The following TMPRSS11F variants were observed in gnomAD, a reference collection of about 807,000 sequenced individuals.
TMPRSS11F encodes transmembrane serine protease 11F, also known as transmembrane protease serine 11F.
In TMPRSS11F, 47 loss-of-function variants were observed where a neutral mutation model predicts 60.2. The ratio of observed to expected loss-of-function variants is 0.78; its 90% confidence interval spans 0.62 to 1.00. The LOEUF is 1.00. Ranked by LOEUF, TMPRSS11F falls within the 50% of genes least tolerant of loss-of-function variation. The probability of loss-of-function intolerance (pLI) is 0.00; values close to 1 mark genes in which losing one functional copy is unlikely to be tolerated. For synonymous variants in TMPRSS11F, 166 were observed against 167.3 expected, an observed-to-expected ratio of 0.99 and a Z score of 0.06; for missense variants, 519 against 522.9, an observed-to-expected ratio of 0.99 and a Z score of 0.07.
intron 1 of TMPRSS11F, among the ~76,000 whole-genome samples, chr4:68,101,679 C>A (rs1724192895): frequency 6.6e-6 from 1 of 152,024 alleles, no homozygotes; most frequent in African/African-American, 2.4e-5. Context: ...TAAATGGAAC[C>A]TTTCAACAGC....
At chr4:68,072,542 A>T (rs1723503217) in intron 4 of TMPRSS11F, 56 bp from the exon 5 acceptor site, 13 of 1,307,594 alleles carry the variant, frequency 9.9e-6, no homozygotes, top group Admixed American at 2.6e-5. Context: ...AATGACTTTA[A>T]CTTATTAGGA....
chr4:68,054,636 C>T (rs1053173712), intron 9 of TMPRSS11F, among the ~76,000 whole-genome samples: 9 of 152,134 alleles, frequency 5.9e-5, no homozygotes, highest in African/African-American at 7.2e-5. Context: ...GCTGAAATGC[C>T]GGTTTCAGGT....
At chr4:68,066,116 CAAAAAAAAAAA>C (rs10638436) in intron 7 of TMPRSS11F, among the ~76,000 whole-genome samples, 1 of 111,590 alleles carries the variant, frequency 9.0e-6, no homozygotes, top group Non-Finnish European at 1.7e-5. Flanking sequence ...AAGACTGTCT[CAAAAAAAAAAA>C]AAAAAAGAGC....
chr4:68,056,216 A>G (rs1338553044), intron 9 of TMPRSS11F, among the ~76,000 whole-genome samples: 1 of 152,316 alleles, frequency 6.6e-6, no homozygotes, highest in Admixed American at 6.5e-5. Context: ...ACATTCTAAT[A>G]GAAAAGGAAG....
intron 3 of TMPRSS11F, among the ~76,000 whole-genome samples, chr4:68,084,727 T>A (rs886265480): frequency 7.1e-6 from 1 of 141,770 alleles, no homozygotes; most frequent in Admixed American, 6.9e-5. Context: ...TTTATTTATT[T>A]TTTTATGTTC....
intron 2 of TMPRSS11F, among the ~76,000 whole-genome samples, chr4:68,091,947 C>T (rs760766342): frequency 1.1e-4 from 16 of 151,744 alleles, no homozygotes; most frequent in South Asian, 6.2e-4. Flanking sequence ...CCACTACACC[C>T]GACTAATTTT....
chr4:68,063,076 A>G (rs747697494), intron 8 of TMPRSS11F: 3 of 648,974 alleles, frequency 4.6e-6, no homozygotes, highest in African/African-American at 3.6e-5. Context: ...CTTGTACTGT[A>G]TTCTGAACCA....
At chr4:68,113,470 G>A (rs1292237335) in intron 1 of TMPRSS11F, among the ~76,000 whole-genome samples, 1 of 147,178 alleles carries the variant, frequency 6.8e-6, no homozygotes, top group Non-Finnish European at 1.5e-5. Context: ...ACAACAAAAA[G>A]AAGTATGTCT....
Position 68,099,023 on chromosome 4 carries a change from T to A in TMPRSS11F, c.27A>T (p.Ser9=), listed in dbSNP as rs376493432. 7.4e-6 allele frequency: 12 copies of A among 1,612,752 alleles called. No individual in the cohort carries two copies. In the African/African-American group the frequency reaches 1.3e-4, roughly 18 times the overall value. ...ATTCAGCTCGTGAGAATTCAGCTTC[T>A]GAAAATTCAACAGGTCTGTGATAAC... MMYAPVEF[S]EAEFSRAEYQ... is the part of the protein sequence containing the mutation. Residue 9 remains serine (S), a synonymous_variant, in exon 2 of 10, where the codon TCA becomes TCT. Transcript: ENST00000356291.
intron 1 of TMPRSS11F, among the ~76,000 whole-genome samples, chr4:68,110,181 G>A (rs995518691): frequency 1.3e-5 from 2 of 152,098 alleles, no homozygotes; most frequent in African/African-American, 4.8e-5. Flanking sequence ...CTTCTTAATG[G>A]CATGGGTTAA....
chr4:68,105,387 CCT>C (rs1291643361), intron 1 of TMPRSS11F, among the ~76,000 whole-genome samples: 2 of 152,056 alleles, frequency 1.3e-5, no homozygotes, highest in African/African-American at 4.8e-5. Context: ...GTCCGTATAT[CCT>C]CTAAACTAGT....
chr4:68,088,117 G>A (rs1346971172), intron 3 of TMPRSS11F, among the ~76,000 whole-genome samples: 1 of 151,842 alleles, frequency 6.6e-6, no homozygotes, highest in Non-Finnish European at 1.5e-5. Context: ...AAAGAGTCAA[G>A]ACCCATCAGT....
At chr4:68,078,549 C>T (rs1349474323) in intron 3 of TMPRSS11F, among the ~76,000 whole-genome samples, 1 of 152,172 alleles carries the variant, frequency 6.6e-6, no homozygotes, top group East Asian at 1.9e-4. Context: ...CACACATTGT[C>T]TGGCCCACAG....
intron 1 of TMPRSS11F, among the ~76,000 whole-genome samples, chr4:68,118,269 C>A (rs192694617): frequency 6.6e-6 from 1 of 152,242 alleles, no homozygotes; most frequent in African/African-American, 2.4e-5. Context: ...TGAAAACACC[C>A]AAATGAATAC....
intron 1 of TMPRSS11F, among the ~76,000 whole-genome samples, chr4:68,116,244 G>A (rs959843968): frequency 6.6e-6 from 1 of 151,988 alleles, no homozygotes; most frequent in Admixed American, 6.5e-5. Flanking sequence ...TTTCCCAAGG[G>A]AAAATAACTA....
At chr4:68,116,281 T>G (rs1260339696) in intron 1 of TMPRSS11F, among the ~76,000 whole-genome samples, 1 of 152,166 alleles carries the variant, frequency 6.6e-6, no homozygotes, top group Non-Finnish European at 1.5e-5. Context: ...GTGTTGGGAA[T>G]GCAAAATGGT....
intron 3 of TMPRSS11F, among the ~76,000 whole-genome samples, chr4:68,087,623 AAAAAGCTCCCAGAATCGATAAACTTCATT>A (rs1202467515): frequency 6.6e-6 from 1 of 152,178 alleles, no homozygotes; most frequent in Admixed American, 6.5e-5. Flanking sequence ...GACTTCACAA[AAAAAGCTCCCAGAATCGATAAACTTCATT>A]AAAGTTTCAG....
intron 1 of TMPRSS11F, among the ~76,000 whole-genome samples, chr4:68,107,550 TTGG>T (rs953779055): frequency 6.6e-6 from 1 of 152,048 alleles, no homozygotes; most frequent in Non-Finnish European, 1.5e-5. Context: ...AGGAGCAGAC[TTGG>T]TGAATTTGCA....
intron 2 of TMPRSS11F, among the ~76,000 whole-genome samples, chr4:68,098,253 C>T (rs571590214): frequency 3.5e-4 from 53 of 152,060 alleles, no homozygotes; most frequent in African/African-American, 1.1e-3. Context: ...TGCAATGAGC[C>T]GGGATCGTGC....
Sources: gnomAD v4.1 joint callset for allele counts (sites outside exome capture counted in the v4.1 genomes callset) on GRCh38, gnomAD v4.1.1 for gene constraint, MANE v1.5 for transcripts, NCBI Gene and HGNC (gene_info 2026-07-23, HGNC 2026-07-21) for gene names.